The following MBNL2 variants were observed in gnomAD, a reference collection of about 807,000 sequenced individuals.
The protein encoded by MBNL2 is muscleblind like splicing regulator 2.
Under a neutral mutation model 41.9 loss-of-function variants are expected in MBNL2, and 17 were observed. That is an observed-to-expected ratio of 0.41 (90% CI 0.28 to 0.61). MBNL2 has a LOEUF of 0.61. Among genes scored for constraint, MBNL2 ranks in the 20% least tolerant of loss-of-function variants. The pLI is 0.35. For missense variants in MBNL2, 336 were observed against 505.6 expected (o/e 0.66, Z 3.22); for synonymous variants, 195 against 182.9 (o/e 1.07, Z -0.53).
At chr13:97,240,490 A>T (rs2044065831) in intron 1 of MBNL2, among the ~76,000 whole-genome samples, 1 of 152,220 alleles carries the variant, frequency 6.6e-6, no homozygotes, top group East Asian at 1.9e-4. Flanking sequence ...TCTGGGGTGG[A>T]CATAAAGCTA....
At chr13:97,207,911 G>A in the MBNL2 span, among the ~76,000 whole-genome samples, 1 of 152,192 alleles carries the variant, frequency 6.6e-6, no homozygotes, top group Non-Finnish European at 1.5e-5. Context: ...GGGGCTACAG[G>A]CCCCATGCAA....
intron 7 of MBNL2, among the ~76,000 whole-genome samples, chr13:97,360,754 C>T (rs1341300242): frequency 6.6e-6 from 1 of 152,208 alleles, no homozygotes; most frequent in Non-Finnish European, 1.5e-5. Flanking sequence ...AAGCAGAAAA[C>T]ATTTGAGAAG....
At chr13:97,172,705 A>G in the MBNL2 span, 1 of 152,200 alleles carries the variant, frequency 6.6e-6, no homozygotes, top group South Asian at 2.1e-4. Context: ...AAATAAGAGG[A>G]CACCTTTCAC....
At chr13:97,159,619 T>C in the MBNL2 span, among the ~76,000 whole-genome samples, 3 of 151,294 alleles carry the variant, frequency 2.0e-5, no homozygotes, top group African/African-American at 7.3e-5. Flanking sequence ...CAGCATTTGC[T>C]TGTCTGTAAA....
chr13:97,256,116 TAAA>T (rs896619910), intron 1 of MBNL2, among the ~76,000 whole-genome samples: 1 of 151,816 alleles, frequency 6.6e-6, no homozygotes, highest in African/African-American at 2.4e-5. Context: ...GAAGACAAAA[TAAA>T]AAAAATTATT....
intron 8 of MBNL2, among the ~76,000 whole-genome samples, chr13:97,378,766 A>G (rs927250293): frequency 3.3e-5 from 5 of 152,212 alleles, no homozygotes; most frequent in Non-Finnish European, 7.3e-5. Flanking sequence ...AACTGAAAAA[A>G]AATTATTTAG....
At chr13:97,264,438 C>T (rs1370912220) in intron 1 of MBNL2, among the ~76,000 whole-genome samples, 2 of 152,148 alleles carry the variant, frequency 1.3e-5, no homozygotes, top group African/African-American at 2.4e-5. Flanking sequence ...CCGTTACATT[C>T]ATTACAGTGC....
At chr13:97,329,647 A>AC (rs2060216748) in intron 2 of MBNL2, among the ~76,000 whole-genome samples, 1 of 151,982 alleles carries the variant, frequency 6.6e-6, no homozygotes, top group Non-Finnish European at 1.5e-5. Context: ...ACACACACAC[A>AC]ATACACACAC....
At position 97,334,249 on chromosome 13, in the gene MBNL2, T is replaced by C. The variant is rs756446275; in HGVS notation, c.175-27T>C. ...TGGAGTTGCAAGCTACTTAAAATAG[T>C]CCTAAAACCAACACTTGTTTTTACA... On this transcript the variant is annotated intron_variant, in intron 2 of 8. Coordinates refer to ENST00000679496, the MANE Select transcript of MBNL2 (RefSeq NM_001382683.1). This position sits in a 1 kb window ranked among gnomAD's most constrained non-coding sequence, Gnocchi z 5.3. 1.3e-6 allele frequency: 2 copies of C among 1,588,180 alleles called. No homozygotes were observed. The highest frequency in any genetic ancestry group is 1.4e-5 in the African/African-American group (1 of 73,750).
chr13:97,391,365 A>C lies in MBNL2; in HGVS notation c.1092A>C (p.Glu364Asp). The stretch of plus-strand genomic sequence containing the variant: ...GCAGAAACGGAATGGAATGCCAAGA[A>C]TCTGCATTGAGAATAACTAAACATT... Reference protein sequence around the residue: ...IISRNGMECQESALRITKHCY... With the variant: ...IISRNGMECQDSALRITKHCY... The change falls in exon 9 of 9, where the codon GAA (glutamate) becomes GAC (aspartate). Residue 364 changes from glutamate to aspartate, a missense_variant. By Grantham distance (45) the Glu-to-Asp change is conservative. Transcript: ENST00000679496. 6.3e-7 allele frequency: 1 copy of C among 1,587,850 alleles called. No homozygotes were observed. Among genetic ancestry groups the C allele is most frequent in the Non-Finnish European group, 8.6e-7 (1 of 1,156,484 alleles).
chr13:97,248,115 T>TAC (rs1277884734), intron 1 of MBNL2, among the ~76,000 whole-genome samples: 1 of 152,204 alleles, frequency 6.6e-6, no homozygotes, highest in Non-Finnish European at 1.5e-5. Context: ...TGTGTGTGTA[T>TAC]ACACACACAT....
intron 2 of MBNL2, among the ~76,000 whole-genome samples, chr13:97,282,318 G>A (rs1248389426): frequency 6.6e-6 from 1 of 152,002 alleles, no homozygotes; most frequent in Non-Finnish European, 1.5e-5. Context: ...TTGCACCACT[G>A]TACTCCAGCC....
chr13:97,278,400 T>G (rs981657013), intron 2 of MBNL2, among the ~76,000 whole-genome samples: 1 of 152,054 alleles, frequency 6.6e-6, no homozygotes, highest in Non-Finnish European at 1.5e-5. Flanking sequence ...CTTCTCCAAT[T>G]GGGTATTTAA....
At chr13:97,181,814 G>A in the MBNL2 span, among the ~76,000 whole-genome samples, 75 of 152,292 alleles carry the variant, frequency 4.9e-4, no homozygotes, top group Non-Finnish European at 9.1e-4. Context: ...CCACCATGAA[G>A]ATGATGTCTC....
intron 1 of MBNL2, among the ~76,000 whole-genome samples, chr13:97,244,025 G>A (rs1158118824): frequency 6.6e-6 from 1 of 152,100 alleles, no homozygotes; most frequent in Non-Finnish European, 1.5e-5. Flanking sequence ...TCATAGTAAG[G>A]ACAGTATTTT....
At chr13:97,160,899 C>T in the MBNL2 span, among the ~76,000 whole-genome samples, 2 of 152,100 alleles carry the variant, frequency 1.3e-5, no homozygotes, top group African/African-American at 2.4e-5. Flanking sequence ...AGAGTTAATT[C>T]TCAATTTTTC....
At chr13:97,143,795 G>A in the MBNL2 span, among the ~76,000 whole-genome samples, 4 of 151,994 alleles carry the variant, frequency 2.6e-5, no homozygotes, top group South Asian at 2.1e-4. Flanking sequence ...CTTATTTTTC[G>A]ATAGTTCAAT....
At chr13:97,288,101 G>A (rs2055032780) in intron 2 of MBNL2, among the ~76,000 whole-genome samples, 1 of 151,954 alleles carries the variant, frequency 6.6e-6, no homozygotes, top group Non-Finnish European at 1.5e-5. Context: ...TAAAATGATT[G>A]TCTTAGTAGG....
chr13:97,195,017 T>G, the MBNL2 span, among the ~76,000 whole-genome samples: 1 of 152,132 alleles, frequency 6.6e-6, no homozygotes, highest in Non-Finnish European at 1.5e-5. Flanking sequence ...TGGCCATTCT[T>G]TTTTTTCTTT....
Sources: gnomAD v4.1 joint callset for allele counts (sites outside exome capture counted in the v4.1 genomes callset) on GRCh38, gnomAD v4.1.1 for gene constraint, Gnocchi (gnomAD v3.1) non-coding constraint, MANE v1.5 for transcripts, NCBI Gene and HGNC (gene_info 2026-07-23, HGNC 2026-07-21) for gene names.